Variants in PTGDR observed in about 807,000 individuals in gnomAD.
PTGDR encodes the protein prostaglandin D2 receptor.
Under a neutral mutation model 17.4 loss-of-function variants are expected in PTGDR, and 19 were observed. The observed-to-expected ratio is 1.09, with a 90% CI of 0.76 to 1.60. The LOEUF is 1.60. Ranked by LOEUF, PTGDR falls within the 40% of genes most tolerant of loss-of-function variation. The pLI, the probability that PTGDR is intolerant of heterozygous loss-of-function variation, is 0.00. For missense variants in PTGDR, 526 were observed against 481.9 expected (o/e 1.09, Z -0.86); for synonymous variants, 267 against 224.2 (o/e 1.19, Z -1.71).
chr14:52,268,703 C>T (rs1396616003), intron 1 of PTGDR, 43 bp downstream of exon 1: 10 of 1,515,532 alleles, frequency 6.6e-6, no homozygotes, highest in Non-Finnish European at 8.9e-6. Flanking sequence ...TGAGACTGTC[C>T]GGCCGCGGAT....
In PTGDR at chr14:52,268,109, G is replaced by C. The variant is rs201329588; in HGVS notation, c.295G>C (p.Ala99Pro). ...CCGGAGTCTGCGGGTGCTTGCGCCC[G>C]CATTGGACAACTCGTTGTGCCAAGC... ...QNRSLRVLAP[A>P]LDNSLCQAFA... Residue 99 changes from alanine to proline, a missense_variant, in exon 1 of 2, where the codon GCA becomes CCA. Physicochemically the swap from Ala to Pro is conservative, Grantham distance 27. Transcript: ENST00000306051. The C allele has an allele frequency of 2.0e-5, 32 of 1,613,854 alleles. No individual in the cohort carries two copies. Among genetic ancestry groups the C allele is most frequent in the Non-Finnish European group, 2.6e-5 (31 of 1,180,060 alleles).
chr14:52,276,219 A>G lies in PTGDR; in HGVS notation c.*1255A>G, dbSNP rs2033422243. 2 of 152,164 alleles carry G rather than the reference A, an allele frequency of 1.3e-5. No individual in the cohort carries two copies. Among genetic ancestry groups the G allele is most frequent in the Non-Finnish European group, 1.5e-5 (1 of 68,036 alleles). The allele number at this position is 152,164 out of a possible 1,614,324, so 9.4% of individuals were successfully genotyped here. A position where few individuals can be genotyped will look rare whatever the true frequency, so the allele number is the denominator to read the frequency against. On this transcript the variant is annotated 3_prime_UTR_variant, in exon 2 of 2. Transcript: ENST00000306051. ...AGGTAAGAGCTTTCACCTTTGGTAA[A>G]AGAACAGCTGGGGAGGTTCAAGGGG...
chr14:52,268,454 A>C lies in PTGDR; in HGVS notation c.640A>C (p.Thr214Pro). 6.2e-7 allele frequency: 1 copy of C among 1,609,966 alleles called. No homozygotes were observed. The highest frequency in any genetic ancestry group is 8.5e-7 in the Non-Finnish European group (1 of 1,180,002). Residue 214 changes from threonine (T) to proline (P), a missense_variant, in exon 1 of 2, where the codon ACC becomes CCC. Thr to Pro is a conservative substitution (Grantham distance 38, BLOSUM62 -1). Transcript: ENST00000306051. The stretch of plus-strand genomic sequence containing the variant: ...CCTCATGGCGCTGCTGGTCCTCGCC[A>C]CCGTGCTGTGCAACCTCGGCGCCAT... ...SSLMALLVLATVLCNLGAMRN... is the reference protein window; with the variant it reads ...SSLMALLVLAPVLCNLGAMRN...
At chr14:52,279,268 C>T (rs568569005), downstream of PTGDR, among the ~76,000 whole-genome samples, 6 of 152,178 alleles carry the variant, frequency 3.9e-5, no homozygotes, top group Admixed American at 2.6e-4. Context: ...TCTCTTAGGC[C>T]AACCAAAGGT....
At chr14:52,278,195 G>T (rs369992657), downstream of PTGDR, among the ~76,000 whole-genome samples, 4 of 152,150 alleles carry the variant, frequency 2.6e-5, no homozygotes, top group Admixed American at 2.0e-4. Context: ...CTATTCACAA[G>T]AGCAAATACT....
downstream of PTGDR, among the ~76,000 whole-genome samples, chr14:52,278,522 C>T (rs200160618): frequency 7.4e-4 from 112 of 151,954 alleles, 2 homozygotes; most frequent in South Asian, 0.021. Context: ...ATGTAAATGA[C>T]GAGTTAATGG....
In PTGDR at chr14:52,268,719, G is replaced by A. The variant is rs570407052; in HGVS notation, c.846+59G>A. 4 of 1,499,468 alleles carry A rather than the reference G, an allele frequency of 2.7e-6. No individual in the cohort carries two copies. In the East Asian group the frequency reaches 6.8e-5, roughly 26 times the overall value. 92.9% of individuals were successfully genotyped at this position (1,499,468 alleles called of 1,614,324 possible). On this transcript the variant is annotated intron_variant, in intron 1 of 1. Transcript: ENST00000306051. Reference sequence around the variant, plus strand: ...GAGACTGTCCGGCCGCGGATGCGGGGCGGGAAGGGTGGAGCGGATCGGGAT... The same window carrying A: ...GAGACTGTCCGGCCGCGGATGCGGGACGGGAAGGGTGGAGCGGATCGGGAT...
downstream of PTGDR, among the ~76,000 whole-genome samples, chr14:52,278,573 A>C (rs1228432205): frequency 6.6e-6 from 1 of 152,174 alleles, no homozygotes; most frequent in Non-Finnish European, 1.5e-5. Context: ...ATATGTAACA[A>C]ACCTGCACGT....
rs772723279 is a variant in PTGDR, at chr14:52,268,040, A to G, written c.226A>G (p.Lys76Glu). 6.2e-6 allele frequency: 10 copies of G among 1,611,966 alleles called. No individual in the cohort carries two copies. In the Admixed American group the frequency reaches 1.5e-4, roughly 24 times the overall value. ...CGLTVTDLLG[K>E]CLLSPVVLAA... ...CCTGACGGTCACCGACTTGCTGGGC[A>G]AGTGCCTCCTAAGCCCGGTGGTGCT... The change falls in exon 1 of 2, where the codon AAG becomes GAG. Residue 76 changes from lysine to glutamate, a missense_variant. Transcript: ENST00000306051.
chr14:52,268,255 C>A lies in PTGDR; in HGVS notation c.441C>A (p.Arg147=). The change falls in exon 1 of 2, where the codon CGC becomes CGA. Residue 147 remains arginine (R), a synonymous_variant. Coordinates refer to ENST00000306051, the MANE Select transcript of PTGDR (RefSeq NM_000953.3). ...TCTACCGACGGCACATCACCCTGCG[C>A]CTGGGCGCACTGGTGGCCCCGGTGG... The part of the protein sequence containing the change: ...PFFYRRHITL[R]LGALVAPVVS... 6.2e-7 allele frequency: 1 copy of A among 1,614,040 alleles called. No individual in the cohort carries two copies. Among genetic ancestry groups the A allele is most frequent in the East Asian group, 2.2e-5 (1 of 44,884 alleles).
intron 1 of PTGDR, 48 bp downstream of exon 1, chr14:52,268,708 G>T: frequency 6.6e-7 from 1 of 1,510,206 alleles, no homozygotes; most frequent in Non-Finnish European, 8.9e-7. Context: ...CTGTCCGGCC[G>T]CGGATGCGGG....
At position 52,268,305 on chromosome 14, in the gene PTGDR, G is replaced by A; in HGVS notation, c.491G>A (p.Cys164Tyr). Residue 164 changes from cysteine (C) to tyrosine (Y), a missense_variant, in exon 1 of 2, where the codon TGC becomes TAC. Physicochemically the swap from Cys to Tyr is radical, Grantham distance 194 (BLOSUM62 -2). Coordinates refer to ENST00000306051, the MANE Select transcript of PTGDR (RefSeq NM_000953.3). ...PVVSAFSLAFCALPFMGFGKF... is the reference protein window; with the variant it reads ...PVVSAFSLAFYALPFMGFGKF... ...GTGAGCGCCTTCTCCCTGGCTTTCT[G>A]CGCGCTACCTTTCATGGGCTTCGGG... is the stretch of plus-strand genomic sequence containing the variant. 2 of 1,613,912 alleles carry A rather than the reference G, an allele frequency of 1.2e-6. No individual in the cohort carries two copies.
At position 52,268,444 on chromosome 14, in the gene PTGDR, G is replaced by A. The variant is rs2033256507; in HGVS notation, c.630G>A (p.Leu210=). Residue 210 remains leucine (L), a synonymous_variant, in exon 1 of 2, where the codon CTG becomes CTA. Transcript: ENST00000306051. Reference sequence around the variant, plus strand: ...TCTACTCCAGCCTCATGGCGCTGCTGGTCCTCGCCACCGTGCTGTGCAACC... The same window carrying A: ...TCTACTCCAGCCTCATGGCGCTGCTAGTCCTCGCCACCGTGCTGTGCAACC... ...SVLYSSLMAL[L]VLATVLCNLG... 2 of 1,609,946 alleles carry A rather than the reference G, an allele frequency of 1.2e-6. No homozygotes were observed. The highest frequency in any genetic ancestry group is 1.7e-6 in the Non-Finnish European group (2 of 1,180,014).
At chr14:52,274,640 C>A in intron 1 of PTGDR, 91 bp from the exon 2 acceptor site, 2 of 1,124,734 alleles carry the variant, frequency 1.8e-6, no homozygotes, top group Non-Finnish European at 2.6e-6. Context: ...GCTAAGCTGT[C>A]ATGTTCTTAC....
At chr14:52,269,106 C>T (rs1218924995) in intron 1 of PTGDR, among the ~76,000 whole-genome samples, 5 of 152,050 alleles carry the variant, frequency 3.3e-5, no homozygotes, top group African/African-American at 4.8e-5. Context: ...CAGAAATGGG[C>T]GAATGGCGTC....
chr14:52,273,500 T>C (rs561363523), intron 1 of PTGDR, among the ~76,000 whole-genome samples: 2 of 150,668 alleles, frequency 1.3e-5, no homozygotes, highest in East Asian at 3.9e-4. Context: ...AAATACAATA[T>C]TTATGTTATG....
intron 1 of PTGDR, among the ~76,000 whole-genome samples, chr14:52,270,782 T>C (rs1486828379): frequency 6.6e-6 from 1 of 152,138 alleles, no homozygotes; most frequent in Non-Finnish European, 1.5e-5. Flanking sequence ...TGCATGGAAA[T>C]TTTGACCTGA....
chr14:52,268,760 C>A (rs1467713745), intron 1 of PTGDR, 100 bp downstream of exon 1: 5 of 1,288,324 alleles, frequency 3.9e-6, no homozygotes, highest in African/African-American at 1.5e-5. Flanking sequence ...CGGCGCCAGG[C>A]GAGCTGCGCC....
chr14:52,267,738 G>C lies in PTGDR; in HGVS notation c.-77G>C. On this transcript the variant is annotated 5_prime_UTR_variant, in exon 1 of 2. Transcript: ENST00000306051. ...CGCCCGAGCCGCGCGCGGAGCTGCC[G>C]GGGGCTCCTTAGCACCCGGGCGCCG... 1 of 1,461,568 alleles carries C rather than the reference G, an allele frequency of 6.8e-7. No homozygotes were observed. 90.5% of individuals were successfully genotyped at this position (1,461,568 alleles called of 1,614,324 possible).
Sources: gnomAD v4.1 joint callset for allele counts (sites outside exome capture counted in the v4.1 genomes callset) on GRCh38, gnomAD v4.1.1 for gene constraint, MANE v1.5 for transcripts, NCBI Gene and HGNC (gene_info 2026-07-23, HGNC 2026-07-21) for gene names.